NAIF1: variants seen among roughly 807,000 people sequenced by gnomAD.
The protein encoded by NAIF1 is nuclear apoptosis-inducing factor 1.
Under a neutral mutation model 20.7 loss-of-function variants are expected in NAIF1, and 14 were observed. The ratio of observed to expected loss-of-function variants is 0.67; its 90% CI spans 0.45 to 1.05. The LOEUF (loss-of-function observed/expected upper bound fraction) is 1.05. Ranked by LOEUF, NAIF1 falls within the 50% of genes least tolerant of loss-of-function variation. The probability of loss-of-function intolerance (pLI) is 0.00; values close to 1 mark genes in which losing one functional copy is unlikely to be tolerated. For missense variants in NAIF1, 362 were observed against 448.8 expected (o/e 0.81, Z 1.75); for synonymous variants, 191 against 191.4 (o/e 1.00, Z 0.02).
At position 128,066,649 on chromosome 9, in the gene NAIF1, G is replaced by T. The variant is rs753780628; in HGVS notation, c.453C>A (p.His151Gln). The T allele has an allele frequency of 1.3e-6, 2 of 1,574,558 alleles. No individual in the cohort carries two copies. The highest frequency in any genetic ancestry group is 1.7e-6 in the Non-Finnish European group (2 of 1,159,252). ...IISLPSTTEI[H>Q]PVALGPSATA... ...TGGCCGAGGGTCCGAGGGCCACAGG[G>T]TGGATCTCTGTGGTGCTGGGCAGGC... Residue 151 changes from histidine to glutamine, a missense_variant, in exon 1 of 2, where the codon CAC (histidine) becomes CAA (glutamine). Around this residue, in one of 3 missense-constraint regions of NAIF1, gnomAD observed 300 missense variants for 342.7 expected, o/e 0.88. Transcript: ENST00000373078.
intron 1 of NAIF1, 88 bp downstream of exon 1, chr9:128,066,503 C>A (rs1404479646): frequency 1.4e-6 from 2 of 1,407,688 alleles, no homozygotes; most frequent in Admixed American, 2.7e-5. Flanking sequence ...GACCTCTGAC[C>A]CTTGGCAGCC....
rs754917856 is a variant in NAIF1, at chr9:128,063,417, G to GA, written c.*10dup. 5.0e-6 allele frequency: 8 copies of GA among 1,598,778 alleles called. No homozygotes were observed. The highest frequency in any genetic ancestry group is 6.8e-6 in the Non-Finnish European group (8 of 1,174,718). On this transcript the variant is annotated 3_prime_UTR_variant, in exon 2 of 2. Coordinates refer to ENST00000373078, the MANE Select transcript of NAIF1 (RefSeq NM_197956.4). The surrounding 1 kb of genome is among the most constrained non-coding windows in gnomAD (Gnocchi z 4.3). ...TCCCATCATGGCAGAAGGCTGGCCT[G>GA]ACCCCTGCCCTCACTGGATGATGCT...
chr9:128,061,778 T>C lies in NAIF1; in HGVS notation c.*1650A>G, dbSNP rs1257342583. On this transcript the variant is annotated 3_prime_UTR_variant, in exon 2 of 2. Coordinates refer to ENST00000373078, the MANE Select transcript of NAIF1 (RefSeq NM_197956.4). ...GGCACCGACAGCAAATCGCCAAACTTGGGAAACGATCTGGGGAGATGCAAG... is the reference window on the plus strand; with the variant it reads ...GGCACCGACAGCAAATCGCCAAACTCGGGAAACGATCTGGGGAGATGCAAG... 3.3e-5 allele frequency: 5 copies of C among 152,108 alleles called. No individual in the cohort carries two copies. The East Asian group carries it at 9.6e-4, about 29-fold the overall frequency. 9.4% of individuals were successfully genotyped at this position (152,108 alleles called of 1,614,324 possible).
At position 128,066,639 on chromosome 9, in the gene NAIF1, G is replaced by A. The variant is rs761481380; in HGVS notation, c.463C>T (p.Leu155Phe). The change falls in exon 1 of 2, where the codon CTC becomes TTC. Residue 155 changes from leucine to phenylalanine, a missense_variant. Physicochemically the swap from Leu to Phe is conservative, Grantham distance 22. This residue lies in a region of NAIF1 where 300 missense variants were observed against 342.7 expected (regional missense o/e 0.88). Coordinates refer to ENST00000373078, the MANE Select transcript of NAIF1 (RefSeq NM_197956.4). Reference sequence around the variant, plus strand: ...GCGGCTGCGGTGGCCGAGGGTCCGAGGGCCACAGGGTGGATCTCTGTGGTG... The same window carrying A: ...GCGGCTGCGGTGGCCGAGGGTCCGAAGGCCACAGGGTGGATCTCTGTGGTG... ...PSTTEIHPVALGPSATAAAAT... is the reference protein window; with the variant it reads ...PSTTEIHPVAFGPSATAAAAT... 4 of 1,546,136 alleles carry A rather than the reference G, an allele frequency of 2.6e-6. No homozygotes were observed. The highest frequency in any genetic ancestry group is 2.6e-6 in the Non-Finnish European group (3 of 1,144,010).
Position 128,066,980 on chromosome 9 carries a change from A to G in NAIF1, c.122T>C (p.Leu41Pro). 1 of 1,613,568 alleles carries G rather than the reference A, an allele frequency of 6.2e-7. No individual in the cohort carries two copies. The highest frequency in any genetic ancestry group is 8.5e-7 in the Non-Finnish European group (1 of 1,179,990). ...LVNHFNAGVP[L>P]AAKSAAWHGI... is the part of the protein sequence containing the mutation. ...GTGCCAGGCCGCACTCTTGGCGGCC[A>G]GGGGTACCCCGGCGTTGAAGTGGTT... Residue 41 changes from leucine to proline, a missense_variant, in exon 1 of 2, where the codon CTG becomes CCG. By Grantham distance (98) the Leu-to-Pro change is moderately conservative. Around this residue, in one of 3 missense-constraint regions of NAIF1, gnomAD observed 51 missense variants for 68.7 expected, o/e 0.74. Coordinates refer to ENST00000373078, the MANE Select transcript of NAIF1 (RefSeq NM_197956.4).
In NAIF1 at chr9:128,062,666, A is replaced by C. The variant is rs960212577; in HGVS notation, c.*762T>G. The stretch of plus-strand genomic sequence containing the variant: ...TCCACACTAGTTGGCTTTCTCAAAA[A>C]TTTACAGCATCCAAAGCTTGACCTG... On this transcript the variant is annotated 3_prime_UTR_variant, in exon 2 of 2. Transcript: ENST00000373078. 2.0e-5 allele frequency: 3 copies of C among 152,180 alleles called. No homozygotes were observed. The highest frequency in any genetic ancestry group is 7.2e-5 in the African/African-American group (3 of 41,426). 9.4% of individuals were successfully genotyped at this position (152,180 alleles called of 1,614,324 possible).
intron 1 of NAIF1, 124 bp downstream of exon 1, chr9:128,066,467 C>T (rs1161890412): frequency 1.0e-5 from 11 of 1,060,234 alleles, no homozygotes; most frequent in Non-Finnish European, 1.4e-5. Context: ...CTTGGAAGGC[C>T]TCATGGTCTT....
At position 128,063,974 on chromosome 9, in the gene NAIF1, G is replaced by C. The variant is rs1246806706; in HGVS notation, c.512-74C>G. On this transcript the variant is annotated intron_variant, in intron 1 of 1. Transcript: ENST00000373078. The surrounding 1 kb of genome is among the most constrained non-coding windows in gnomAD (Gnocchi z 4.3). ...AATAAAGCTGGCTGTATGGGGTGGG[G>C]AGGAGGCCATAAAGTCCTGTCCTGG... 1 of 1,372,258 alleles carries C rather than the reference G, an allele frequency of 7.3e-7. No homozygotes were observed. Among genetic ancestry groups the C allele is most frequent in the Admixed American group, 2.0e-5 (1 of 50,704 alleles). 85.0% of individuals were successfully genotyped at this position (1,372,258 alleles called of 1,614,324 possible).
chr9:128,066,537 G>T, intron 1 of NAIF1, 54 bp downstream of exon 1: 1 of 1,467,634 alleles, frequency 6.8e-7, no homozygotes, highest in South Asian at 1.5e-5. Context: ...CCACCCCAGA[G>T]CTTGCTGGCC....
Position 128,063,307 on chromosome 9 carries a change from G to T in NAIF1, c.*121C>A. ...CTCAAAAACAGTGCAACCCCTAAGC[G>T]TTTATTAAAGAGGGAGCTGTGCACG... On this transcript the variant is annotated 3_prime_UTR_variant, in exon 2 of 2. Coordinates refer to ENST00000373078, the MANE Select transcript of NAIF1 (RefSeq NM_197956.4). The surrounding 1 kb of genome is among the most constrained non-coding windows in gnomAD (Gnocchi z 4.3). The T allele has an allele frequency of 1.1e-6, 1 of 892,500 alleles. No individual in the cohort carries two copies. Among genetic ancestry groups the T allele is most frequent in the Non-Finnish European group, 1.7e-6 (1 of 587,058 alleles). The allele number at this position is 892,500 out of a possible 1,614,324, so 55.3% of individuals were successfully genotyped here.
At position 128,066,831 on chromosome 9, in the gene NAIF1, C is replaced by A; in HGVS notation, c.271G>T (p.Glu91Ter). The A allele has an allele frequency of 6.2e-7, 1 of 1,611,964 alleles. No homozygotes were observed. Among genetic ancestry groups the A allele is most frequent in the Non-Finnish European group, 8.5e-7 (1 of 1,179,470 alleles). Residue 91 changes from glutamate (E) to a stop codon, truncating the protein, a stop_gained, in exon 1 of 2, where the codon GAG becomes TAG. Coordinates refer to ENST00000373078, the MANE Select transcript of NAIF1 (RefSeq NM_197956.4). LOFTEE classifies it high-confidence loss of function. ...RKVAQVRAAV[E>*]GGEAPGPTEE... ...GTGGGCCCCGGCGCCTCACCACCCT[C>A]CACGGCGGCCCGGACCTGGGCAACC...
intron 1 of NAIF1, among the ~76,000 whole-genome samples, chr9:128,064,899 G>A (rs1832760810): frequency 6.6e-6 from 1 of 152,050 alleles, no homozygotes; most frequent in Non-Finnish European, 1.5e-5. Flanking sequence ...CTACTTGGGA[G>A]GCTGAGGCAG....
intron 1 of NAIF1, among the ~76,000 whole-genome samples, chr9:128,064,751 C>T (rs1832759204): frequency 6.6e-6 from 1 of 151,870 alleles, no homozygotes; most frequent in African/African-American, 2.4e-5. Context: ...GCTTGTAATC[C>T]CAGCACTTTG....
At chr9:128,064,956 G>A (rs1283231627) in intron 1 of NAIF1, among the ~76,000 whole-genome samples, 1 of 147,928 alleles carries the variant, frequency 6.8e-6, no homozygotes, top group Non-Finnish European at 1.5e-5. Context: ...GGCAACAAGA[G>A]CAAAACTCCA....
In NAIF1 at chr9:128,067,249, A is replaced by AC. The variant is rs1239511261; in HGVS notation, c.-149dup. On this transcript the variant is annotated 5_prime_UTR_variant, in exon 1 of 2. Coordinates refer to ENST00000373078, the MANE Select transcript of NAIF1 (RefSeq NM_197956.4). ...GAGGCCAAGCACTAGGCCTTTGGTA[A>AC]CCCCCCTCGCTACGCAAAGTGCGTA... 7.2e-6 allele frequency: 7 copies of AC among 978,948 alleles called. No homozygotes were observed. In the Admixed American group the frequency reaches 8.5e-5, roughly 12 times the overall value. 60.6% of individuals were successfully genotyped at this position (978,948 alleles called of 1,614,324 possible).
intron 1 of NAIF1, among the ~76,000 whole-genome samples, chr9:128,065,179 C>T (rs1302969244): frequency 6.7e-6 from 1 of 149,654 alleles, no homozygotes; most frequent in Non-Finnish European, 1.5e-5. Context: ...TTCAGTGGCA[C>T]GATCTCGGCT....
Position 128,063,506 on chromosome 9 carries a change from G to T in NAIF1, c.906C>A (p.Ser302Arg), listed in dbSNP as rs913574462. The T allele has an allele frequency of 3.1e-6, 5 of 1,609,960 alleles. No homozygotes were observed. Among genetic ancestry groups the T allele is most frequent in the Non-Finnish European group, 4.2e-6 (5 of 1,180,018 alleles). Reference sequence around the variant, plus strand: ...AGGCGGGGGCCGGGTTAGCTGTGTTGCTCTGCAGGTAGCGGCGGAAATCTT... The same window carrying T: ...AGGCGGGGGCCGGGTTAGCTGTGTTTCTCTGCAGGTAGCGGCGGAAATCTT... Reference protein sequence around the residue: ...MIKDFRRYLQSNTANPAPASD... With the variant: ...MIKDFRRYLQRNTANPAPASD... Residue 302 changes from serine (S) to arginine (R), a missense_variant, in exon 2 of 2, where the codon AGC (serine) becomes AGA (arginine). Transcript: ENST00000373078. This position sits in a 1 kb window ranked among gnomAD's most constrained non-coding sequence, Gnocchi z 4.3.
chr9:128,066,387 C>T (rs1325428581), intron 1 of NAIF1: 4 of 473,534 alleles, frequency 8.4e-6, no homozygotes, highest in South Asian at 6.2e-5. Flanking sequence ...CTATCCAGCA[C>T]GTCAGAAGTC....
Position 128,066,697 on chromosome 9 carries a change from C to A in NAIF1, c.405G>T (p.Leu135=). 1 of 1,610,910 alleles carries A rather than the reference C, an allele frequency of 6.2e-7. No homozygotes were observed. The highest frequency in any genetic ancestry group is 1.1e-5 in the South Asian group (1 of 90,628). Residue 135 remains leucine, a synonymous_variant, in exon 1 of 2, where the codon CTG becomes CTT. Transcript: ENST00000373078. ...GGCTGATGATGGTGGCCTCGCCCAG[C>A]AGGTTGCAGATACGTTGTTGCATGG... ...LTPMQQRICN[L]LGEATIISLP... is the part of the protein sequence containing the mutation.
Sources: gnomAD v4.1 joint callset for allele counts (sites outside exome capture counted in the v4.1 genomes callset) on GRCh38, gnomAD v4.1.1 for gene constraint, gnomAD v4.1.1 regional missense constraint, Gnocchi (gnomAD v3.1) non-coding constraint, MANE v1.5 for transcripts, NCBI Gene and HGNC (gene_info 2026-07-23, HGNC 2026-07-21) for gene names.